FUBP3: variants seen among roughly 807,000 people sequenced by gnomAD.
The protein encoded by FUBP3 is far upstream element-binding protein 3.
Under a neutral mutation model 85.6 loss-of-function variants are expected in FUBP3, and 28 were observed. The observed-to-expected ratio is 0.33, with a 90% confidence interval of 0.24 to 0.45. The LOEUF (loss-of-function observed/expected upper bound fraction) is 0.45, where lower values mean the gene tolerates loss of function less well. FUBP3 is among the 20% of genes least tolerant of loss of function. The probability of loss-of-function intolerance (pLI) is 1.00; values close to 1 mark genes in which losing one functional copy is unlikely to be tolerated. For missense variants in FUBP3, 583 were observed against 755.1 expected (o/e 0.77, Z 2.67); for synonymous variants, 271 against 271.4 (o/e 1.00, Z 0.01).
intron 1 of FUBP3, among the ~76,000 whole-genome samples, 157 bp downstream of exon 1, chr9:130,579,921 G>A (rs1483611380): frequency 6.6e-6 from 1 of 152,196 alleles, no homozygotes; most frequent in Non-Finnish European, 1.5e-5. Flanking sequence ...GGAGGAGCCG[G>A]GGGGATAAGG....
intron 5 of FUBP3, among the ~76,000 whole-genome samples, chr9:130,614,083 T>G (rs1367392061): frequency 6.6e-6 from 1 of 152,272 alleles, no homozygotes; most frequent in Admixed American, 6.5e-5. Context: ...TAGCTTCCCC[T>G]GTGGGACTTG....
At chr9:130,611,935 G>A (rs76023415) in intron 3 of FUBP3, among the ~76,000 whole-genome samples, 2,650 of 152,214 alleles carry the variant, frequency 0.017, 69 homozygotes, top group African/African-American at 0.061. Context: ...CATTTGGGGC[G>A]TCTCACCGTT....
intron 13 of FUBP3, chr9:130,631,279 G>A (rs749859921): frequency 1.3e-5 from 18 of 1,344,716 alleles, no homozygotes; most frequent in Non-Finnish European, 1.7e-5. Flanking sequence ...CTAAGTTGAC[G>A]GGAGAGTCAA....
chr9:130,586,049 A>C (rs1413377970), intron 1 of FUBP3, among the ~76,000 whole-genome samples: 2 of 152,184 alleles, frequency 1.3e-5, no homozygotes, highest in East Asian at 3.8e-4. Context: ...TCCAGGCTGG[A>C]ATGCAGTGGC....
chr9:130,635,844 A>T lies in FUBP3; in HGVS notation c.1583-155A>T. 1 of 706,964 alleles carries T rather than the reference A, an allele frequency of 1.4e-6. No homozygotes were observed. Among genetic ancestry groups the T allele is most frequent in the Non-Finnish European group, 2.4e-6 (1 of 422,464 alleles). The allele number at this position is 706,964 out of a possible 1,614,324, so 43.8% of individuals were successfully genotyped here. A position where few individuals can be genotyped will look rare whatever the true frequency, so the allele number is the denominator to read the frequency against. On this transcript the variant is annotated intron_variant, in intron 17 of 18. Transcript: ENST00000319725. The surrounding 1 kb of genome is among the most constrained non-coding windows in gnomAD (Gnocchi z 4.3). Reference sequence around the variant, plus strand: ...GAGGCTAACAGCACCTTTTGTAGCAAGCGCTCCTGCAACACCAGCCTCACC... The same window carrying T: ...GAGGCTAACAGCACCTTTTGTAGCATGCGCTCCTGCAACACCAGCCTCACC...
chr9:130,626,583 C>A, intron 12 of FUBP3, 78 bp downstream of exon 12: 1 of 1,454,112 alleles, frequency 6.9e-7, no homozygotes. Flanking sequence ...CCTCCAGAAC[C>A]TTTGGTGAGG....
At chr9:130,631,459 A>G (rs1327848998) in intron 13 of FUBP3, 98 bp from the exon 14 acceptor site, 6 of 1,324,740 alleles carry the variant, frequency 4.5e-6, no homozygotes, top group Middle Eastern at 2.1e-4. Flanking sequence ...ACTCGACTCC[A>G]TCTCCCCAAA....
rs958823033 is a variant in FUBP3, at chr9:130,635,363, C to G, written c.1582+625C>G. ...ATCCCACGATTACTAGACCGGAGGA[C>G]TGAGGGCTTGTTTAAAGAGGTATCT... On this transcript the variant is annotated intron_variant, in intron 17 of 18. Transcript: ENST00000319725. This position sits in a 1 kb window ranked among gnomAD's most constrained non-coding sequence, Gnocchi z 4.3. Among the ~76,000 whole-genome samples, 7 of 152,206 alleles carry G rather than the reference C, an allele frequency of 4.6e-5. No homozygotes were observed. The highest frequency in any genetic ancestry group is 1.7e-4 in the African/African-American group (7 of 41,438).
Position 130,596,860 on chromosome 9 carries a change from C to T in FUBP3, c.190+1272C>T, listed in dbSNP as rs566848499. On this transcript the variant is annotated intron_variant, in intron 2 of 18. Transcript: ENST00000319725. ...GCAGGCCTGCAATGTGAAATAAGCA[C>T]CTCGTGGAAAACGGGGGTATCCATC... Among the ~76,000 whole-genome samples the T allele has an allele frequency of 2.1e-3, 323 of 152,202 alleles. 1 individual carries two copies. The highest frequency in any genetic ancestry group is 3.2e-3 in the Non-Finnish European group (220 of 68,016).
chr9:130,630,773 A>G lies in FUBP3; in HGVS notation c.1263A>G (p.Ile421Met), dbSNP rs909091823. ...PQQIEVARQL[I>M]DEKVGGTNLG... ...AGATCGAGGTGGCCAGGCAGCTCAT[A>G]GATGAGAAAGTTGGCGTACGTACAG... is the stretch of plus-strand genomic sequence containing the variant. Residue 421 changes from isoleucine to methionine, a missense_variant, in exon 13 of 19, where the codon ATA becomes ATG. Ile to Met is a conservative substitution (Grantham distance 10). Transcript: ENST00000319725. 2 of 1,511,282 alleles carry G rather than the reference A, an allele frequency of 1.3e-6. No individual in the cohort carries two copies. Among genetic ancestry groups the G allele is most frequent in the Non-Finnish European group, 8.8e-7 (1 of 1,131,924 alleles). 93.6% of individuals were successfully genotyped at this position (1,511,282 alleles called of 1,614,324 possible). A position where few individuals can be genotyped will look rare whatever the true frequency, so the allele number is the denominator to read the frequency against.
At position 130,630,810 on chromosome 9, in the gene FUBP3, C is replaced by A. The variant is rs745894899; in HGVS notation, c.1278+22C>A. 38 of 1,444,570 alleles carry A rather than the reference C, an allele frequency of 2.6e-5. No individual in the cohort carries two copies. In the East Asian group the frequency reaches 6.2e-4, roughly 24 times the overall value. 89.5% of individuals were successfully genotyped at this position (1,444,570 alleles called of 1,614,324 possible). A position where few individuals can be genotyped will look rare whatever the true frequency, so the allele number is the denominator to read the frequency against. On this transcript the variant is annotated intron_variant, in intron 13 of 18. Transcript: ENST00000319725. Reference sequence around the variant, plus strand: ...TGGCGTACGTACAGGGTCCTTCCCCCACCTGGTTTACTCATAGCTGTTTTC... The same window carrying A: ...TGGCGTACGTACAGGGTCCTTCCCCAACCTGGTTTACTCATAGCTGTTTTC...
rs1831902921 is a variant in FUBP3, at chr9:130,614,480, G to GA, written c.404+142dup. 6 of 568,120 alleles carry GA rather than the reference G, an allele frequency of 1.1e-5. No homozygotes were observed. In the South Asian group the frequency reaches 1.2e-4, roughly 11 times the overall value. 35.2% of individuals were successfully genotyped at this position (568,120 alleles called of 1,614,324 possible). ...GCCACACAGGTAGATAATTCCATAG[G>GA]AAAAAAATCTGGGAGGTTACTGTGC... On this transcript the variant is annotated intron_variant, in intron 6 of 18. Coordinates refer to ENST00000319725, the MANE Select transcript of FUBP3 (RefSeq NM_003934.2).
intron 1 of FUBP3, among the ~76,000 whole-genome samples, chr9:130,582,753 A>C (rs1167921433): frequency 6.6e-6 from 1 of 152,200 alleles, no homozygotes; most frequent in African/African-American, 2.4e-5. Context: ...ATATTTTTAA[A>C]TGTTCCTAGA....
intron 1 of FUBP3, among the ~76,000 whole-genome samples, chr9:130,589,915 C>G (rs529669292): frequency 7.4e-4 from 110 of 148,922 alleles, no homozygotes; most frequent in Non-Finnish European, 1.3e-3. Context: ...TAAAGCCTCA[C>G]TATGTTGCCC....
intron 16 of FUBP3, among the ~76,000 whole-genome samples, chr9:130,634,399 G>T (rs1409831627): frequency 6.6e-6 from 1 of 152,248 alleles, no homozygotes; most frequent in Non-Finnish European, 1.5e-5. Flanking sequence ...AGCAGTGGCT[G>T]TGGCCGTCAA....
chr9:130,631,025 G>A (rs970943541), intron 13 of FUBP3: 8 of 681,538 alleles, frequency 1.2e-5, no homozygotes, highest in African/African-American at 9.3e-5. Context: ...CGCAGCAGCC[G>A]AGGCCCCAGA....
chr9:130,580,722 T>C (rs1046493018), intron 1 of FUBP3: 1 of 152,220 alleles, frequency 6.6e-6, no homozygotes, highest in African/African-American at 2.4e-5. Context: ...ATATGGTCTT[T>C]ACATCTCTTT....
rs376272654 is a variant in FUBP3, at chr9:130,626,384, C to T, written c.996C>T (p.Gly332=). ...TCCAGGAAAGAGACGGCTTTGGAGG[C>T]CTGGCAGCAGCCAGAGGAAGAGGTC... ...LTAQERDGFG[G]LAAARGRGRG... The change falls in exon 12 of 19, where the codon GGC becomes GGT. Residue 332 remains glycine (G), a synonymous_variant. Coordinates refer to ENST00000319725, the MANE Select transcript of FUBP3 (RefSeq NM_003934.2). 133 of 1,613,216 alleles carry T rather than the reference C, an allele frequency of 8.2e-5. 2 individuals carry two copies. In the African/African-American group the frequency reaches 1.5e-3, roughly 19 times the overall value.
At chr9:130,592,701 G>A (rs919463126) in intron 1 of FUBP3, among the ~76,000 whole-genome samples, 7 of 151,838 alleles carry the variant, frequency 4.6e-5, no homozygotes, top group East Asian at 1.9e-4. Flanking sequence ...GCACCACCAC[G>A]CACAGCTACT....
Sources: allele counts gnomAD v4.1 joint callset (sites outside exome capture counted in the v4.1 genomes callset), GRCh38; gene constraint gnomAD v4.1.1; non-coding constraint Gnocchi (gnomAD v3.1); transcripts MANE v1.5; gene names NCBI Gene and HGNC (gene_info 2026-07-23, HGNC 2026-07-21).